The following CDKAL1 variants were observed in gnomAD, a reference collection of about 807,000 sequenced individuals.
CDKAL1 encodes CDKAL1 threonylcarbamoyladenosine tRNA methylthiotransferase.
CDKAL1 carries 32 observed loss-of-function variants against 68.2 expected under a neutral mutation model. The observed-to-expected ratio is 0.47, with a 90% confidence interval of 0.35 to 0.63. CDKAL1 has a LOEUF of 0.63. Among genes scored for constraint, CDKAL1 ranks in the 30% least tolerant of loss-of-function variants. CDKAL1 has a pLI of 0.00. For missense variants in CDKAL1, 606 were observed against 696.7 expected (o/e 0.87, Z 1.47); for synonymous variants, 234 against 244.3 (o/e 0.96, Z 0.39).
At chr6:21,109,486 C>A (rs999342732) in intron 13 of CDKAL1, among the ~76,000 whole-genome samples, 1 of 152,160 alleles carries the variant, frequency 6.6e-6, no homozygotes, top group Admixed American at 6.5e-5. Flanking sequence ...TCTAGTGTTT[C>A]TATAGTGACC....
At chr6:21,073,544 A>T (rs1354923451) in intron 12 of CDKAL1, among the ~76,000 whole-genome samples, 2 of 152,174 alleles carry the variant, frequency 1.3e-5, no homozygotes, top group African/African-American at 2.4e-5. Flanking sequence ...GGCCATTGTA[A>T]CAGGTGTGTA....
chr6:21,128,560 T>G (rs1482388776), intron 13 of CDKAL1, among the ~76,000 whole-genome samples: 2 of 152,216 alleles, frequency 1.3e-5, no homozygotes, highest in Non-Finnish European at 2.9e-5. Flanking sequence ...CCTCTTTTGT[T>G]TTCATGTTTT....
chr6:20,884,160 A>G (rs1760955995), intron 9 of CDKAL1, among the ~76,000 whole-genome samples: 1 of 152,226 alleles, frequency 6.6e-6, no homozygotes, highest in Non-Finnish European at 1.5e-5. Context: ...ATGCTTCCAC[A>G]TAACAAAAAT....
At chr6:20,881,876 A>G (rs1760841013) in intron 9 of CDKAL1, among the ~76,000 whole-genome samples, 1 of 152,186 alleles carries the variant, frequency 6.6e-6, no homozygotes, top group African/African-American at 2.4e-5. Flanking sequence ...TGCTGCAATC[A>G]AGATACAGAA....
At chr6:21,117,474 C>T (rs1266165918) in intron 13 of CDKAL1, among the ~76,000 whole-genome samples, 1 of 103,442 alleles carries the variant, frequency 9.7e-6, no homozygotes, top group Non-Finnish European at 1.9e-5. Context: ...CCTATCTCTA[C>T]CAAAAAAAAA....
At chr6:20,834,328 A>G (rs1185501987) in intron 8 of CDKAL1, among the ~76,000 whole-genome samples, 2 of 152,250 alleles carry the variant, frequency 1.3e-5, no homozygotes, top group Middle Eastern at 3.4e-3. Context: ...TTCACAATGA[A>G]CTGTTTTGTC....
chr6:21,198,114 A>G lies in CDKAL1; in HGVS notation c.1383+10A>G. 6.4e-7 allele frequency: 1 copy of G among 1,558,524 alleles called. No individual in the cohort carries two copies. The highest frequency in any genetic ancestry group is 8.7e-7 in the Non-Finnish European group (1 of 1,145,770). On this transcript the variant is annotated intron_variant, in intron 14 of 15. Coordinates refer to ENST00000274695, the MANE Select transcript of CDKAL1 (RefSeq NM_017774.3). ...TCAATTCTATGAGCAGGTAAGAGGCACTTCAGTATTCTTGAGTTTTCTCCA... is the reference window on the plus strand; with the variant it reads ...TCAATTCTATGAGCAGGTAAGAGGCGCTTCAGTATTCTTGAGTTTTCTCCA...
At chr6:20,911,798 C>A (rs1240243804) in intron 9 of CDKAL1, among the ~76,000 whole-genome samples, 3 of 152,140 alleles carry the variant, frequency 2.0e-5, no homozygotes, top group African/African-American at 7.2e-5. Flanking sequence ...ACTTTTATTC[C>A]TTTGGATTTT....
intron 14 of CDKAL1, among the ~76,000 whole-genome samples, chr6:21,199,286 G>A (rs531764373): frequency 5.9e-5 from 9 of 152,286 alleles, no homozygotes; most frequent in South Asian, 2.1e-4. Context: ...TGGGCAGTGC[G>A]TCCCCAGGAA....
intron 13 of CDKAL1, among the ~76,000 whole-genome samples, chr6:21,169,925 C>CCA (rs1265255247): frequency 7.8e-6 from 1 of 128,520 alleles, no homozygotes; most frequent in South Asian, 2.6e-4. Context: ...GGAAAGACCC[C>CCA]CCCCACCCCA....
At chr6:21,178,699 G>A (rs1198990919) in intron 13 of CDKAL1, among the ~76,000 whole-genome samples, 1 of 152,124 alleles carries the variant, frequency 6.6e-6, no homozygotes, top group Non-Finnish European at 1.5e-5. Flanking sequence ...TAGTTATAAT[G>A]GTGATATCAA....
chr6:20,796,117 A>G (rs1561784596), intron 8 of CDKAL1, among the ~76,000 whole-genome samples: 1 of 152,194 alleles, frequency 6.6e-6, no homozygotes, highest in Non-Finnish European at 1.5e-5. Flanking sequence ...GAAAATCTCA[A>G]GGAGTCCATA....
intron 8 of CDKAL1, among the ~76,000 whole-genome samples, chr6:20,836,606 CG>C (rs1309501682): frequency 6.6e-6 from 1 of 152,088 alleles, no homozygotes; most frequent in Non-Finnish European, 1.5e-5. Context: ...CTTAAATTGA[CG>C]TATTTCCTCT....
intron 11 of CDKAL1, among the ~76,000 whole-genome samples, chr6:21,036,313 A>G (rs1227995971): frequency 6.6e-6 from 1 of 152,174 alleles, no homozygotes; most frequent in Non-Finnish European, 1.5e-5. Context: ...GTAGTGGTTG[A>G]AGGCAGGTCT....
At chr6:20,802,514 A>AT (rs1394164690) in intron 8 of CDKAL1, among the ~76,000 whole-genome samples, 1 of 152,028 alleles carries the variant, frequency 6.6e-6, no homozygotes, top group Non-Finnish European at 1.5e-5. Flanking sequence ...AAATATATAT[A>AT]TTTTGGAGAT....
chr6:20,927,093 A>G (rs775216734), intron 9 of CDKAL1, among the ~76,000 whole-genome samples: 6 of 152,120 alleles, frequency 3.9e-5, no homozygotes, highest in Non-Finnish European at 7.4e-5. Flanking sequence ...TTTCTTTGTC[A>G]TTATTTACAG....
chr6:21,030,467 A>G (rs986476389), intron 11 of CDKAL1, among the ~76,000 whole-genome samples: 15 of 152,186 alleles, frequency 9.9e-5, no homozygotes, highest in African/African-American at 3.6e-4. Flanking sequence ...CACGTTCTGC[A>G]CTTGTATCTC....
At chr6:20,547,310 G>A (rs1763646619) in intron 3 of CDKAL1, among the ~76,000 whole-genome samples, 1 of 152,106 alleles carries the variant, frequency 6.6e-6, no homozygotes, top group Admixed American at 6.6e-5. Flanking sequence ...GATCTCTTGG[G>A]TATTACTGTA....
chr6:20,897,646 CATT>C (rs1299669731), intron 9 of CDKAL1, among the ~76,000 whole-genome samples: 1 of 152,054 alleles, frequency 6.6e-6, no homozygotes. Flanking sequence ...GGGACTACAA[CATT>C]ATCCTAATTA....
Sources: gnomAD v4.1 joint callset for allele counts (sites outside exome capture counted in the v4.1 genomes callset) on GRCh38, gnomAD v4.1.1 for gene constraint, MANE v1.5 for transcripts, NCBI Gene and HGNC (gene_info 2026-07-23, HGNC 2026-07-21) for gene names.